Variants in PCDH1 observed in about 807,000 individuals in gnomAD.
The protein encoded by PCDH1 is protocadherin-1.
In PCDH1, 23 loss-of-function variants were observed where a neutral mutation model predicts 74.6. The ratio of observed to expected loss-of-function variants is 0.31; its 90% confidence interval spans 0.22 to 0.44. The LOEUF (loss-of-function observed/expected upper bound fraction) is 0.44. PCDH1 is among the 20% of genes least tolerant of loss of function. The pLI is 1.00. For synonymous variants in PCDH1, 647 were observed against 686.1 expected, an observed-to-expected ratio of 0.94 and a Z score of 0.89; for missense variants, 1,214 against 1,641.4, an observed-to-expected ratio of 0.74 and a Z score of 4.50.
At chr5:141,876,203 G>A (rs963574015) in intron 1 of PCDH1, among the ~76,000 whole-genome samples, 3 of 152,220 alleles carry the variant, frequency 2.0e-5, no homozygotes, top group African/African-American at 4.8e-5. Flanking sequence ...CACCCCGGCA[G>A]CGCCCAGCCT....
rs572182220 is a variant in PCDH1, at chr5:141,857,440, G to T, written c.3131C>A (p.Thr1044Asn). Residue 1044 changes from threonine (T) to asparagine (N), a missense_variant, in exon 4 of 5, where the codon ACC becomes AAC. Physicochemically the swap from Thr to Asn is moderately conservative, Grantham distance 65. Coordinates refer to ENST00000287008, the MANE Select transcript of PCDH1 (RefSeq NM_032420.5). ...GTCCTGCAGCTCCTGGGCCTGGCTG[G>T]TGGCCGAGAAGGTGACGCGGCGGTG... ...LPHRRVTFSA[T>N]SQAQELQDPS... 6.2e-7 allele frequency: 1 copy of T among 1,613,934 alleles called. No homozygotes were observed. Among genetic ancestry groups the T allele is most frequent in the African/African-American group, 1.3e-5 (1 of 74,994 alleles).
chr5:141,865,480 T>C lies in PCDH1; in HGVS notation c.904-53A>G. 6.4e-7 allele frequency: 1 copy of C among 1,565,926 alleles called. No individual in the cohort carries two copies. The highest frequency in any genetic ancestry group is 8.6e-7 in the Non-Finnish European group (1 of 1,157,020). ...GAACAGAGATGGTTTAGATCAGGGA[T>C]AGCAAATAAAGGGGCACACATGCTG... On this transcript the variant is annotated intron_variant, in intron 2 of 4. Transcript: ENST00000287008. This position sits in a 1 kb window ranked among gnomAD's most constrained non-coding sequence, Gnocchi z 4.4.
chr5:141,866,331 TCAAA>T, intron 2 of PCDH1: 1 of 641,946 alleles, frequency 1.6e-6, no homozygotes, highest in Non-Finnish European at 1.9e-6. Flanking sequence ...GCTCCCAGCA[TCAAA>T]CAATGAACTG....
In PCDH1 at chr5:141,869,252, T is replaced by G; in HGVS notation, c.220A>C (p.Ile74Leu). 1.2e-6 allele frequency: 2 copies of G among 1,612,746 alleles called. No individual in the cohort carries two copies. Among genetic ancestry groups the G allele is most frequent in the African/African-American group, 2.7e-5 (2 of 74,962 alleles). ...VPEEQPPNTLIGSLAADYGFP... is the reference protein window; with the variant it reads ...VPEEQPPNTLLGSLAADYGFP... ...CCATAGTCGGCTGCGAGGCTCCCAA[T>G]GAGGGTGTTGGGTGGCTGTTCCTCC... Residue 74 changes from isoleucine to leucine, a missense_variant, in exon 2 of 5, where the codon ATT becomes CTT. Physicochemically the swap from Ile to Leu is conservative, Grantham distance 5. Coordinates refer to ENST00000287008, the MANE Select transcript of PCDH1 (RefSeq NM_032420.5). The surrounding 1 kb of genome is among the most constrained non-coding windows in gnomAD (Gnocchi z 4.9).
intron 4 of PCDH1, among the ~76,000 whole-genome samples, chr5:141,856,616 G>A (rs544761890): frequency 2.6e-5 from 4 of 152,032 alleles, no homozygotes; most frequent in East Asian, 1.9e-4. Flanking sequence ...TTCCCATGCC[G>A]ACCTCTGCGC....
Position 141,865,522 on chromosome 5 carries a change from C to T in PCDH1, c.904-95G>A, listed in dbSNP as rs1336829651. 1.5e-6 allele frequency: 2 copies of T among 1,373,122 alleles called. No individual in the cohort carries two copies. The highest frequency in any genetic ancestry group is 1.4e-5 in the African/African-American group (1 of 69,754). 85.1% of individuals were successfully genotyped at this position (1,373,122 alleles called of 1,614,324 possible). ...CACATGCTGCCAATGTCCTTTCCAACAAGCATGGCAGACACAGCCAATCCA... is the reference window on the plus strand; with the variant it reads ...CACATGCTGCCAATGTCCTTTCCAATAAGCATGGCAGACACAGCCAATCCA... On this transcript the variant is annotated intron_variant, in intron 2 of 4. Transcript: ENST00000287008. The surrounding 1 kb of genome is among the most constrained non-coding windows in gnomAD (Gnocchi z 4.4).
Position 141,865,540 on chromosome 5 carries a change from C to A in PCDH1, c.904-113G>T. The stretch of plus-strand genomic sequence containing the variant: ...TTTCCAACAAGCATGGCAGACACAG[C>A]CAATCCAACATCGCTCCCTTTCCAG... On this transcript the variant is annotated intron_variant, in intron 2 of 4. Coordinates refer to ENST00000287008, the MANE Select transcript of PCDH1 (RefSeq NM_032420.5). This position sits in a 1 kb window ranked among gnomAD's most constrained non-coding sequence, Gnocchi z 4.4. 8.5e-7 allele frequency: 1 copy of A among 1,182,208 alleles called. No individual in the cohort carries two copies. The highest frequency in any genetic ancestry group is 1.2e-6 in the Non-Finnish European group (1 of 833,786). The allele number at this position is 1,182,208 out of a possible 1,614,324, so 73.2% of individuals were successfully genotyped here.
At chr5:141,856,138 A>G in intron 4 of PCDH1, 2 of 1,300,268 alleles carry the variant, frequency 1.5e-6, no homozygotes, top group Non-Finnish European at 2.1e-6. Context: ...AACATGGCTC[A>G]GAGCAGAGCA....
At chr5:141,854,488 G>A (rs1752251537) in intron 4 of PCDH1, 52 bp from the exon 5 acceptor site, 2 of 1,527,644 alleles carry the variant, frequency 1.3e-6, no homozygotes, top group Non-Finnish European at 1.8e-6. Context: ...CCTCTGCAAA[G>A]CTCTGCTTCA....
chr5:141,875,749 T>C (rs993494397), intron 1 of PCDH1, among the ~76,000 whole-genome samples: 1 of 152,100 alleles, frequency 6.6e-6, no homozygotes, highest in African/African-American at 2.4e-5. Context: ...TGCCTCCCTA[T>C]CACACTGCCT....
chr5:141,874,986 A>G (rs1025494250), intron 1 of PCDH1, among the ~76,000 whole-genome samples: 1 of 152,070 alleles, frequency 6.6e-6, no homozygotes, highest in Non-Finnish European at 1.5e-5. Context: ...CCTGCATGTC[A>G]GATCGTTGGG....
In PCDH1 at chr5:141,865,877, T is replaced by TGCAC. The variant is rs139986071; in HGVS notation, c.904-454_904-451dup. Among the ~76,000 whole-genome samples the TGCAC allele has an allele frequency of 6.6e-6, 1 of 152,066 alleles. No individual in the cohort carries two copies. The highest frequency in any genetic ancestry group is 2.4e-5 in the African/African-American group (1 of 41,454). ...TGTGCCCGTGTGAATGTGCACTACA[T>TGCAC]GCACGCACGCATGCACATATGTATG... On this transcript the variant is annotated intron_variant, in intron 2 of 4. Coordinates refer to ENST00000287008, the MANE Select transcript of PCDH1 (RefSeq NM_032420.5). This position sits in a 1 kb window ranked among gnomAD's most constrained non-coding sequence, Gnocchi z 4.4.
In PCDH1 at chr5:141,863,860, G is replaced by T. The variant is rs552405695; in HGVS notation, c.2471C>A (p.Thr824Asn). Reference sequence around the variant, plus strand: ...CGTGTCCAGGCTGTGGCCCAGGAGGGTCTCCAGCAGCGTGCGGTTGGCCAG... The same window carrying T: ...CGTGTCCAGGCTGTGGCCCAGGAGGTTCTCCAGCAGCGTGCGGTTGGCCAG... ...ETLANRTLLE[T>N]LLGHSLDTPL... The change falls in exon 3 of 5, where the codon ACC (threonine) becomes AAC (asparagine). Residue 824 changes from threonine to asparagine, a missense_variant. By Grantham distance (65) the Thr-to-Asn change is moderately conservative. Coordinates refer to ENST00000287008, the MANE Select transcript of PCDH1 (RefSeq NM_032420.5). This position sits in a 1 kb window ranked among gnomAD's most constrained non-coding sequence, Gnocchi z 7.5. 5 of 1,614,182 alleles carry T rather than the reference G, an allele frequency of 3.1e-6. No homozygotes were observed. The East Asian group carries it at 8.9e-5, about 29-fold the overall frequency.
intron 3 of PCDH1, 42 bp from the exon 4 acceptor site, chr5:141,857,513 C>A: frequency 6.5e-7 from 1 of 1,545,756 alleles, no homozygotes; most frequent in South Asian, 1.2e-5. Context: ...GCCAGCTTGC[C>A]CACAGGGCCC....
chr5:141,869,794 C>T lies in PCDH1; in HGVS notation c.41-363G>A. On this transcript the variant is annotated intron_variant, in intron 1 of 4. Transcript: ENST00000287008. This position sits in a 1 kb window ranked among gnomAD's most constrained non-coding sequence, Gnocchi z 4.9. ...TGCTCTGTGCTTCACCCAACACCTC[C>T]TTCTCACGAGCATCCTGCCTTAGTC... The T allele has an allele frequency of 1.0e-6, 1 of 985,430 alleles. No individual in the cohort carries two copies. 61.0% of individuals were successfully genotyped at this position (985,430 alleles called of 1,614,324 possible).
At chr5:141,876,000 C>T (rs1216555414) in intron 1 of PCDH1, among the ~76,000 whole-genome samples, 1 of 152,240 alleles carries the variant, frequency 6.6e-6, no homozygotes, top group African/African-American at 2.4e-5. Flanking sequence ...CTAGAAGCCT[C>T]GCGGCGTCTT....
chr5:141,875,837 C>T (rs1393134427), intron 1 of PCDH1, among the ~76,000 whole-genome samples: 2 of 152,126 alleles, frequency 1.3e-5, no homozygotes, highest in African/African-American at 4.8e-5. Flanking sequence ...TTACAGGTTC[C>T]AATTCCCCCA....
chr5:141,863,315 T>C lies in PCDH1; in HGVS notation c.3016A>G (p.Thr1006Ala). The C allele has an allele frequency of 6.4e-7, 1 of 1,552,250 alleles. No individual in the cohort carries two copies. The highest frequency in any genetic ancestry group is 8.7e-7 in the Non-Finnish European group (1 of 1,148,014). ...DLPPANTFVG[T>A]GDTTSTGSEQ... The stretch of plus-strand genomic sequence containing the variant: ...GAGCCCGTGGACGTGGTGTCCCCGG[T>C]GCCCACGAATGTGTTTGCAGGTGGC... Residue 1006 changes from threonine (T) to alanine (A), a missense_variant, in exon 3 of 5, where the codon ACC (threonine) becomes GCC (alanine). Physicochemically the swap from Thr to Ala is moderately conservative, Grantham distance 58 (BLOSUM62 0). Coordinates refer to ENST00000287008, the MANE Select transcript of PCDH1 (RefSeq NM_032420.5). This position sits in a 1 kb window ranked among gnomAD's most constrained non-coding sequence, Gnocchi z 7.5.
chr5:141,874,212 G>A (rs914343194), intron 1 of PCDH1, among the ~76,000 whole-genome samples: 13 of 152,330 alleles, frequency 8.5e-5, no homozygotes, highest in African/African-American at 3.1e-4. Context: ...TCACCCAGGG[G>A]CCCGTAGAAA....
Sources: gnomAD v4.1 joint callset for allele counts (sites outside exome capture counted in the v4.1 genomes callset) on GRCh38, gnomAD v4.1.1 for gene constraint, Gnocchi (gnomAD v3.1) non-coding constraint, MANE v1.5 for transcripts, NCBI Gene and HGNC (gene_info 2026-07-23, HGNC 2026-07-21) for gene names.